CERS6: variants seen among roughly 807,000 people sequenced by gnomAD.
The protein encoded by CERS6 is LAG1 homolog, ceramide synthase 6.
CERS6 carries 26 observed loss-of-function variants against 56.8 expected under a neutral mutation model. That is an observed-to-expected ratio of 0.46 (90% confidence interval 0.34 to 0.63). CERS6 has a LOEUF of 0.63. Among genes scored for constraint, CERS6 ranks in the 30% least tolerant of loss-of-function variants. The pLI, the probability that CERS6 is intolerant of heterozygous loss-of-function variation, is 0.01. For missense variants in CERS6, 415 were observed against 467.5 expected, an observed-to-expected ratio of 0.89 and a Z score of 1.04; for synonymous variants, 164 against 173.3, an observed-to-expected ratio of 0.95 and a Z score of 0.42.
chr2:168,619,764 A>G (rs1266364006), intron 3 of CERS6, among the ~76,000 whole-genome samples: 3 of 151,876 alleles, frequency 2.0e-5, no homozygotes, highest in Non-Finnish European at 2.9e-5. Flanking sequence ...TGGGAATGTA[A>G]ACTATTATAG....
chr2:168,496,559 A>G (rs941865054), intron 1 of CERS6, among the ~76,000 whole-genome samples: 2 of 152,220 alleles, frequency 1.3e-5, no homozygotes, highest in Non-Finnish European at 2.9e-5. Flanking sequence ...GTTCAGCTCT[A>G]TAATTCTGTG....
At chr2:168,663,614 A>G (rs1188021414) in intron 4 of CERS6, among the ~76,000 whole-genome samples, 2 of 152,164 alleles carry the variant, frequency 1.3e-5, no homozygotes, top group African/African-American at 2.4e-5. Context: ...TGATTTCTTT[A>G]CTATCATTCA....
At chr2:168,631,650 A>G (rs1220820491) in intron 4 of CERS6, among the ~76,000 whole-genome samples, 1 of 91,566 alleles carries the variant, frequency 1.1e-5, no homozygotes, top group Non-Finnish European at 1.9e-5. Flanking sequence ...TTTTATATTT[A>G]TATTATATAT....
intron 3 of CERS6, among the ~76,000 whole-genome samples, chr2:168,584,256 T>C (rs547012777): frequency 6.6e-6 from 1 of 152,360 alleles, no homozygotes; most frequent in East Asian, 1.9e-4. Flanking sequence ...GCAGTGAAAC[T>C]GTATCTTTAA....
chr2:168,555,472 C>T (rs1015053508), intron 2 of CERS6, among the ~76,000 whole-genome samples: 5 of 151,704 alleles, frequency 3.3e-5, no homozygotes, highest in South Asian at 2.1e-4. Context: ...AAAGTAGTAA[C>T]GATAAGCTAA....
chr2:168,534,067 C>T (rs1003227431), intron 1 of CERS6, among the ~76,000 whole-genome samples: 3 of 152,038 alleles, frequency 2.0e-5, no homozygotes, highest in Admixed American at 6.6e-5. Context: ...TCAGCTCCAT[C>T]AGGTCATTTA....
chr2:168,596,320 T>C (rs1683795328), intron 3 of CERS6, among the ~76,000 whole-genome samples: 1 of 151,494 alleles, frequency 6.6e-6, no homozygotes. Context: ...GGAGACCAGA[T>C]TATGTGTGTG....
At chr2:168,709,528 T>C (rs1687036971) in intron 6 of CERS6, among the ~76,000 whole-genome samples, 1 of 152,132 alleles carries the variant, frequency 6.6e-6, no homozygotes, top group Admixed American at 6.5e-5. Context: ...GCTGTGAGTA[T>C]GTCCAGAAAC....
intron 1 of CERS6, among the ~76,000 whole-genome samples, chr2:168,528,990 G>A (rs1695118999): frequency 6.6e-6 from 1 of 152,186 alleles, no homozygotes; most frequent in African/African-American, 2.4e-5. Flanking sequence ...AAAGGAGTTT[G>A]CTGGGACCAT....
chr2:168,502,343 T>C (rs1694598040), intron 1 of CERS6, among the ~76,000 whole-genome samples: 1 of 152,082 alleles, frequency 6.6e-6, no homozygotes, highest in Non-Finnish European at 1.5e-5. Context: ...AGTCAGAGTA[T>C]GGAAAGGACA....
chr2:168,560,638 G>T (rs1303932491), intron 2 of CERS6, among the ~76,000 whole-genome samples: 1 of 152,102 alleles, frequency 6.6e-6, no homozygotes, highest in Non-Finnish European at 1.5e-5. Context: ...TGGGGACAAA[G>T]GATATGAGAA....
chr2:168,486,370 T>C (rs1260094989), intron 1 of CERS6, among the ~76,000 whole-genome samples: 1 of 152,150 alleles, frequency 6.6e-6, no homozygotes, highest in East Asian at 1.9e-4. Context: ...TGGATTATGC[T>C]TTTGGTCTTG....
intron 4 of CERS6, among the ~76,000 whole-genome samples, chr2:168,659,805 A>G (rs1310024463): frequency 6.6e-6 from 1 of 152,218 alleles, no homozygotes. Context: ...GCACACAGCA[A>G]GCATTCAGTA....
chr2:168,530,742 A>G (rs1050397456), intron 1 of CERS6, among the ~76,000 whole-genome samples: 1 of 152,172 alleles, frequency 6.6e-6, no homozygotes, highest in African/African-American at 2.4e-5. Context: ...CATTTCTCAC[A>G]TTACCTTGGA....
chr2:168,765,453 G>T, intron 8 of CERS6, 139 bp from the exon 9 acceptor site: 1 of 723,900 alleles, frequency 1.4e-6, no homozygotes. Context: ...CTAAGTACCT[G>T]GCAAGCTTTC....
At chr2:168,594,802 G>A (rs914733221) in intron 3 of CERS6, among the ~76,000 whole-genome samples, 2 of 152,048 alleles carry the variant, frequency 1.3e-5, no homozygotes, top group Non-Finnish European at 2.9e-5. Context: ...CTAATAATGA[G>A]CACTGCTAAT....
intron 3 of CERS6, among the ~76,000 whole-genome samples, chr2:168,576,520 C>A (rs41345348): frequency 0.052 from 7,853 of 152,228 alleles, 216 homozygotes; most frequent in African/African-American, 0.073. Flanking sequence ...ATTTCTATTT[C>A]TTTCCAGATA....
intron 8 of CERS6, among the ~76,000 whole-genome samples, chr2:168,759,154 C>T (rs1196016430): frequency 6.6e-6 from 1 of 152,144 alleles, no homozygotes; most frequent in African/African-American, 2.4e-5. Flanking sequence ...ACAGGTGTAT[C>T]AGGGCATCAG....
Position 168,752,279 on chromosome 2 carries a change from ATGTGTGTGTG to A in CERS6, c.846-13283_846-13274del, listed in dbSNP as rs397870530. ...CAGACCCCATCTTTTAAAAAAATAA[ATGTGTGTGTG>A]TGTGTGTGTGTGTGTGTGTGTGTGT... On this transcript the variant is annotated intron_variant, in intron 8 of 9. Transcript: ENST00000305747. Among the ~76,000 whole-genome samples, 5 of 132,514 alleles carry A rather than the reference ATGTGTGTGTG, an allele frequency of 3.8e-5. No individual in the cohort carries two copies. In the South Asian group the frequency reaches 8.0e-4, roughly 21 times the overall value. The allele number at this position is 132,514 out of a possible 152,430, so 86.9% of individuals were successfully genotyped here.
Sources: gnomAD v4.1 joint callset for allele counts (sites outside exome capture counted in the v4.1 genomes callset) on GRCh38, gnomAD v4.1.1 for gene constraint, MANE v1.5 for transcripts, NCBI Gene and HGNC (gene_info 2026-07-23, HGNC 2026-07-21) for gene names.